Variants in ADARB2 observed in about 807,000 individuals in gnomAD.
ADARB2 encodes the protein inactive double-stranded RNA-specific editase B2.
Under a neutral mutation model 62.2 loss-of-function variants are expected in ADARB2, and 25 were observed. The observed-to-expected ratio is 0.40, with a 90% CI of 0.29 to 0.56. The LOEUF (loss-of-function observed/expected upper bound fraction) is 0.56. Among genes scored for constraint, ADARB2 ranks in the 20% least tolerant of loss-of-function variants. ADARB2 has a pLI of 0.43. For missense variants in ADARB2, 1,071 were observed against 1,077.4 expected, an observed-to-expected ratio of 0.99 and a Z score of 0.08; for synonymous variants, 572 against 500.8, an observed-to-expected ratio of 1.14 and a Z score of -1.90.
At chr10:1,204,289 C>T (rs996332326) in intron 7 of ADARB2, among the ~76,000 whole-genome samples, 7 of 152,208 alleles carry the variant, frequency 4.6e-5, no homozygotes, top group Non-Finnish European at 7.3e-5. Flanking sequence ...CTCAATAACA[C>T]ACCTGCTAGG....
At chr10:1,415,645 A>G (rs1832795617) in intron 1 of ADARB2, among the ~76,000 whole-genome samples, 1 of 152,254 alleles carries the variant, frequency 6.6e-6, no homozygotes, top group Non-Finnish European at 1.5e-5. Flanking sequence ...CATCAAGTCA[A>G]TTCTATGCAA....
intron 1 of ADARB2, among the ~76,000 whole-genome samples, chr10:1,659,207 A>G (rs914247342): frequency 6.6e-6 from 1 of 152,218 alleles, no homozygotes; most frequent in Non-Finnish European, 1.5e-5. Context: ...GCGGCAGTAT[A>G]CCAAATTGAA....
intron 1 of ADARB2, among the ~76,000 whole-genome samples, chr10:1,644,260 A>G (rs2119062327): frequency 6.6e-6 from 1 of 152,302 alleles, no homozygotes; most frequent in South Asian, 2.1e-4. Context: ...AAGCTACGCC[A>G]CTACTGATTT....
intron 3 of ADARB2, among the ~76,000 whole-genome samples, chr10:1,340,941 A>G (rs914873261): frequency 2.0e-5 from 3 of 151,752 alleles, no homozygotes; most frequent in Non-Finnish European, 4.4e-5. Flanking sequence ...CGCAGTGGTG[A>G]TAATCAGCAT....
At chr10:1,402,029 A>G (rs1832668380) in intron 1 of ADARB2, among the ~76,000 whole-genome samples, 1 of 152,046 alleles carries the variant, frequency 6.6e-6, no homozygotes, top group Admixed American at 6.5e-5. Context: ...TGACCTTGGA[A>G]CTCGATTTTC....
chr10:1,523,574 C>T (rs911338336), intron 1 of ADARB2, among the ~76,000 whole-genome samples: 1 of 152,188 alleles, frequency 6.6e-6, no homozygotes. Flanking sequence ...TGACCATGAG[C>T]CTGTTCCAAC....
intron 1 of ADARB2, among the ~76,000 whole-genome samples, chr10:1,626,657 C>T (rs1363438898): frequency 6.6e-6 from 1 of 152,110 alleles, no homozygotes; most frequent in Non-Finnish European, 1.5e-5. Flanking sequence ...CCCCCACACT[C>T]GACATGGAAG....
At chr10:1,720,909 G>A (rs1240921481) in intron 1 of ADARB2, among the ~76,000 whole-genome samples, 1 of 152,218 alleles carries the variant, frequency 6.6e-6, no homozygotes. Context: ...CTGTCTGGAA[G>A]GTTTTCAGAA....
intron 1 of ADARB2, among the ~76,000 whole-genome samples, chr10:1,491,176 C>T (rs1182021829): frequency 6.6e-6 from 1 of 152,156 alleles, no homozygotes; most frequent in Admixed American, 6.5e-5. Context: ...TTAAGCAATC[C>T]TCCCACCTCA....
intron 1 of ADARB2, among the ~76,000 whole-genome samples, chr10:1,383,749 C>G (rs1484857260): frequency 1.3e-5 from 2 of 152,214 alleles, no homozygotes; most frequent in African/African-American, 4.8e-5. Context: ...GAGAAGTTAG[C>G]GGATGTGCCC....
intron 1 of ADARB2, among the ~76,000 whole-genome samples, chr10:1,538,132 T>G (rs1832357033): frequency 6.6e-6 from 1 of 152,146 alleles, no homozygotes. Flanking sequence ...AGAGGCTGGA[T>G]GTACTGAGCA....
At chr10:1,226,861 T>TACTTGA (rs151056477) in intron 6 of ADARB2, among the ~76,000 whole-genome samples, 3 of 151,714 alleles carry the variant, frequency 2.0e-5, no homozygotes, top group African/African-American at 4.8e-5. Flanking sequence ...GGGGGTCAGG[T>TACTTGA]GGAGGCAGTC....
At position 1,675,098 on chromosome 10, in the gene ADARB2, T is replaced by C. The variant is rs1397674281; in HGVS notation, c.100+61953A>G. On this transcript the variant is annotated intron_variant, in intron 1 of 9. Transcript: ENST00000381312. ...TTTGGGTTAAGGGATGTGTGGATGT[T>C]CTGGAGGTTTGGGTTGCGGGGTACA... 8 of 983,962 alleles carry C rather than the reference T, an allele frequency of 8.1e-6. No individual in the cohort carries two copies. In the African/African-American group the frequency reaches 1.4e-4, roughly 17 times the overall value. 61.0% of individuals were successfully genotyped at this position (983,962 alleles called of 1,614,324 possible).
intron 1 of ADARB2, among the ~76,000 whole-genome samples, chr10:1,576,440 G>A (rs992271747): frequency 3.3e-5 from 5 of 152,170 alleles, no homozygotes; most frequent in Admixed American, 3.3e-4. Flanking sequence ...GCCATTGCAG[G>A]AGGGCTCTCC....
chr10:1,669,317 G>A (rs1289461512), intron 1 of ADARB2, among the ~76,000 whole-genome samples: 3 of 152,182 alleles, frequency 2.0e-5, no homozygotes, highest in African/African-American at 7.2e-5. Context: ...AGGTCTCAGA[G>A]TCAGCCGATC....
In ADARB2 at chr10:1,686,831, G is replaced by C. The variant is rs557593455; in HGVS notation, c.100+50220C>G. 2.0e-5 allele frequency among the ~76,000 whole-genome samples: 3 copies of C among 152,200 alleles called. No homozygotes were observed. The South Asian group carries it at 6.2e-4, about 32-fold the overall frequency. ...CAAATGTTTATTGTTGATTTCTCTAGCAAATGATCATTCCAAACAATAAAT... is the reference window on the plus strand; with the variant it reads ...CAAATGTTTATTGTTGATTTCTCTACCAAATGATCATTCCAAACAATAAAT... On this transcript the variant is annotated intron_variant, in intron 1 of 9. Coordinates refer to ENST00000381312, the MANE Select transcript of ADARB2 (RefSeq NM_018702.4).
intron 1 of ADARB2, among the ~76,000 whole-genome samples, chr10:1,731,194 G>T (rs1435778994): frequency 6.6e-6 from 1 of 152,182 alleles, no homozygotes; most frequent in Non-Finnish European, 1.5e-5. Flanking sequence ...CCGGGAAAAT[G>T]GATTCACTCA....
At chr10:1,500,122 G>T (rs1434405799) in intron 1 of ADARB2, among the ~76,000 whole-genome samples, 2 of 152,234 alleles carry the variant, frequency 1.3e-5, no homozygotes, top group Non-Finnish European at 2.9e-5. Flanking sequence ...TTCTTTTGAA[G>T]AGTTGGAGTT....
chr10:1,636,698 C>T (rs577358872), intron 1 of ADARB2, among the ~76,000 whole-genome samples: 1 of 149,878 alleles, frequency 6.7e-6, no homozygotes, highest in South Asian at 2.1e-4. Context: ...ATCTATCTAT[C>T]TACATATATC....
Sources: gnomAD v4.1 joint callset for allele counts (sites outside exome capture counted in the v4.1 genomes callset) on GRCh38, gnomAD v4.1.1 for gene constraint, MANE v1.5 for transcripts, NCBI Gene and HGNC (gene_info 2026-07-23, HGNC 2026-07-21) for gene names.